The following MAPKBP1 variants were observed in gnomAD, a reference collection of about 807,000 sequenced individuals.
The protein encoded by MAPKBP1 is mitogen-activated protein kinase-binding protein 1.
MAPKBP1 carries 71 observed loss-of-function variants against 170.5 expected under a neutral mutation model. That is an observed-to-expected ratio of 0.42 (90% CI 0.34 to 0.51). MAPKBP1 has a LOEUF of 0.51. MAPKBP1 is among the 20% of genes least tolerant of loss of function. The pLI, the probability that MAPKBP1 is intolerant of heterozygous loss-of-function variation, is 0.06. For missense variants in MAPKBP1, 1,598 were observed against 1,933.0 expected (o/e 0.83, Z 3.25); for synonymous variants, 719 against 757.9 (o/e 0.95, Z 0.84).
chr15:41,795,964 AG>A (rs2064481642), intron 2 of MAPKBP1, among the ~76,000 whole-genome samples: 1 of 152,172 alleles, frequency 6.6e-6, no homozygotes. Flanking sequence ...AAAAGACTAT[AG>A]GGGGTAAGGC....
In MAPKBP1 at chr15:41,824,428, G is replaced by A. The variant is rs145305164; in HGVS notation, c.4214-56G>A. On this transcript the variant is annotated intron_variant, in intron 29 of 30. Coordinates refer to ENST00000457542, the MANE Select transcript of MAPKBP1 (RefSeq NM_014994.3). ...CTCCTGTTCTGAGTGTCTTGGGTGC[G>A]GAGGCCTGAAAGGGCTACATGCTGG... 481 of 1,480,068 alleles carry A rather than the reference G, an allele frequency of 3.2e-4. 2 individuals carry two copies. Among genetic ancestry groups the A allele is most frequent in the Non-Finnish European group, 5.1e-5 (56 of 1,087,466 alleles). 91.7% of individuals were successfully genotyped at this position (1,480,068 alleles called of 1,614,324 possible). A position where few individuals can be genotyped will look rare whatever the true frequency, so the allele number is the denominator to read the frequency against.
intron 12 of MAPKBP1, 82 bp downstream of exon 12, chr15:41,815,881 C>A: frequency 1.4e-6 from 2 of 1,424,240 alleles, no homozygotes; most frequent in Non-Finnish European, 9.6e-7. Context: ...GGGTTTGGCT[C>A]AAAAAGATTG....
chr15:41,784,945 G>A (rs1026384685), intron 2 of MAPKBP1, among the ~76,000 whole-genome samples: 6 of 148,618 alleles, frequency 4.0e-5, no homozygotes, highest in Non-Finnish European at 5.9e-5. Context: ...GTGCATGTCT[G>A]TAGTCCCAGC....
intron 7 of MAPKBP1, 68 bp from the exon 8 acceptor site, chr15:41,812,851 C>T: frequency 6.5e-7 from 1 of 1,532,004 alleles, no homozygotes. Flanking sequence ...CCTGTACTCT[C>T]CTAGGGCCCA....
At position 41,821,945 on chromosome 15, in the gene MAPKBP1, C is replaced by G; in HGVS notation, c.2886-20C>G. On this transcript the variant is annotated intron_variant, in intron 24 of 30. Transcript: ENST00000457542. ...ACCCCTGCTCACTGCCTTTTCTTCT[C>G]CCTGCTGGAATCCTGACAGTGAGTT... 6.2e-7 allele frequency: 1 copy of G among 1,607,466 alleles called. No homozygotes were observed.
At position 41,818,118 on chromosome 15, in the gene MAPKBP1, C is replaced by T. The variant is rs762870807; in HGVS notation, c.1980+34C>T. The T allele has an allele frequency of 1.6e-5, 26 of 1,611,810 alleles. No homozygotes were observed. The highest frequency in any genetic ancestry group is 3.3e-5 in the South Asian group (3 of 91,048). ...CCAGAGGGGGTACTGGACAGGGGCT[C>T]GGGGACAGAGTGGTGCTGGGTGGGA... On this transcript the variant is annotated intron_variant, in intron 17 of 30. Transcript: ENST00000457542. This position sits in a 1 kb window ranked among gnomAD's most constrained non-coding sequence, Gnocchi z 5.2.
intron 2 of MAPKBP1, 81 bp downstream of exon 2, chr15:41,775,470 G>A (rs1596056098): frequency 1.9e-6 from 2 of 1,028,214 alleles, no homozygotes; most frequent in Non-Finnish European, 3.0e-6. Context: ...TGTTTCTTGG[G>A]AAAGATAACT....
rs1410183365 is a variant in MAPKBP1 at position 41,819,017 on chromosome 15, C to G, written c.2291+60C>G. 3 of 1,598,370 alleles carry G rather than the reference C, an allele frequency of 1.9e-6. No homozygotes were observed. In the African/African-American group the frequency reaches 4.0e-5, roughly 21 times the overall value. ...GTGCAGATGGCTTGCTGGGACCTCA[C>G]TGCACTTCCTCCATGCTTTGGGCCT... On this transcript the variant is annotated intron_variant, in intron 20 of 30. Transcript: ENST00000457542.
chr15:41,813,146 C>T lies in MAPKBP1; in HGVS notation c.819+45C>T, dbSNP rs756816155. On this transcript the variant is annotated intron_variant, in intron 8 of 30. Transcript: ENST00000457542. ...GGGGTAGGGTCTGCTCATGTCTCAGCTCAGGGGAGAACTAGTGCCCAGGGC... is the reference window on the plus strand; with the variant it reads ...GGGGTAGGGTCTGCTCATGTCTCAGTTCAGGGGAGAACTAGTGCCCAGGGC... The T allele has an allele frequency of 3.2e-6, 5 of 1,568,750 alleles. No individual in the cohort carries two copies. In the Middle Eastern group the frequency reaches 5.2e-4, roughly 162 times the overall value.
chr15:41,817,353 A>G lies in MAPKBP1; in HGVS notation c.1712-35A>G, dbSNP rs756626300. 1.4e-5 allele frequency: 23 copies of G among 1,603,396 alleles called. No individual in the cohort carries two copies. The East Asian group carries it at 2.9e-4, about 20-fold the overall frequency. ...AGGCAGGCTGCTCCCATGTGGTGAG[A>G]ACAGTGGGAACAGCTGGGCTTCCCT... On this transcript the variant is annotated intron_variant, in intron 14 of 30. Coordinates refer to ENST00000457542, the MANE Select transcript of MAPKBP1 (RefSeq NM_014994.3). The surrounding 1 kb of genome is among the most constrained non-coding windows in gnomAD (Gnocchi z 4.2).
chr15:41,775,134 ACT>A, intron 1 of MAPKBP1, 31 bp from the exon 2 acceptor site: 1 of 645,526 alleles, frequency 1.5e-6, no homozygotes. Flanking sequence ...AAGGTAAGAC[ACT>A]GTGATACTAA....
At position 41,825,252 on chromosome 15, in the gene MAPKBP1, C is replaced by T; in HGVS notation, c.4343C>T (p.Ala1448Val). Reference protein sequence around the residue: ...KMPSAEQSRIAQLLRDTFSSV... With the variant: ...KMPSAEQSRIVQLLRDTFSSV... ...CCCTCAGCAGAGCAAAGTCGGATTG[C>T]CCAGCTCCTCAGAGACACCTTCTCT... The change falls in exon 31 of 31, where the codon GCC becomes GTC. Residue 1448 changes from alanine (A) to valine (V), a missense_variant. Around this residue, in one of 6 missense-constraint regions of MAPKBP1, gnomAD observed 942 missense variants for 953.2 expected, o/e 0.99. Transcript: ENST00000457542. 6.2e-7 allele frequency: 1 copy of T among 1,604,784 alleles called. No homozygotes were observed. The highest frequency in any genetic ancestry group is 8.5e-7 in the Non-Finnish European group (1 of 1,172,752).
intron 22 of MAPKBP1, among the ~76,000 whole-genome samples, chr15:41,820,211 C>T (rs754869962): frequency 7.9e-5 from 12 of 152,120 alleles, no homozygotes; most frequent in Admixed American, 2.6e-4. Flanking sequence ...CAGTACCTTC[C>T]GTTGTCAGCA....
chr15:41,810,612 G>T, intron 3 of MAPKBP1: 2 of 414,534 alleles, frequency 4.8e-6, no homozygotes, highest in Non-Finnish European at 8.5e-6. Context: ...CCAGCTACTA[G>T]GGAGGCTAAG....
chr15:41,818,401 G>A lies in MAPKBP1; in HGVS notation c.2092+96G>A. ...CTTCACTCTTCTATTAGTTTCTTGG[G>A]ACCCGCAGAGCTACCTATCCCTACC... On this transcript the variant is annotated intron_variant, in intron 18 of 30. Coordinates refer to ENST00000457542, the MANE Select transcript of MAPKBP1 (RefSeq NM_014994.3). This position sits in a 1 kb window ranked among gnomAD's most constrained non-coding sequence, Gnocchi z 5.2. 1 of 1,392,618 alleles carries A rather than the reference G, an allele frequency of 7.2e-7. No homozygotes were observed. The highest frequency in any genetic ancestry group is 1.0e-6 in the Non-Finnish European group (1 of 988,250). The allele number at this position is 1,392,618 out of a possible 1,614,324, so 86.3% of individuals were successfully genotyped here.
intron 12 of MAPKBP1, chr15:41,816,261 G>A (rs1472418553): frequency 4.5e-6 from 2 of 443,856 alleles, no homozygotes; most frequent in South Asian, 3.4e-5. Context: ...AGGATCTAGA[G>A]TCAAGAAAAA....
chr15:41,821,576 G>C lies in MAPKBP1; in HGVS notation c.2719-8G>C. The C allele has an allele frequency of 6.2e-7, 1 of 1,613,158 alleles. No individual in the cohort carries two copies. The highest frequency in any genetic ancestry group is 8.5e-7 in the Non-Finnish European group (1 of 1,179,728). On this transcript the variant is annotated splice_region_variant and splice_polypyrimidine_tract_variant and intron_variant, in intron 23 of 30. Transcript: ENST00000457542. ...CTGCTCTGTTAACATCCCTTTGTGT[G>C]TTCCCAGAATGAAAAGCCCCCTCGG... is the stretch of plus-strand genomic sequence containing the variant.
In MAPKBP1 at chr15:41,823,259, G is replaced by T. The variant is rs748190792; in HGVS notation, c.3598+37G>T. ...GATGGGTTCAGTGCCAGGGTGCAGG[G>T]TGTATGGAACACATGTACATGCTGG... On this transcript the variant is annotated intron_variant, in intron 28 of 30. Coordinates refer to ENST00000457542, the MANE Select transcript of MAPKBP1 (RefSeq NM_014994.3). The T allele has an allele frequency of 8.1e-6, 13 of 1,599,904 alleles. No individual in the cohort carries two copies. The South Asian group carries it at 1.5e-4, about 18-fold the overall frequency.
At chr15:41,797,162 C>T (rs1179922851) in intron 2 of MAPKBP1, among the ~76,000 whole-genome samples, 1 of 152,098 alleles carries the variant, frequency 6.6e-6, no homozygotes, top group South Asian at 2.1e-4. Flanking sequence ...GATCATCTAC[C>T]CACAAAACAC....
Sources: gnomAD v4.1 joint callset for allele counts (sites outside exome capture counted in the v4.1 genomes callset) on GRCh38, gnomAD v4.1.1 for gene constraint, gnomAD v4.1.1 regional missense constraint, Gnocchi (gnomAD v3.1) non-coding constraint, MANE v1.5 for transcripts, NCBI Gene and HGNC (gene_info 2026-07-23, HGNC 2026-07-21) for gene names.